IL1R1: variants seen among roughly 807,000 people sequenced by gnomAD.
IL1R1 encodes interleukin 1 receptor type 1.
Under a neutral mutation model 50.2 loss-of-function variants are expected in IL1R1, and 22 were observed. The ratio of observed to expected loss-of-function variants is 0.44; its 90% CI spans 0.31 to 0.63. IL1R1 has a LOEUF of 0.63. Ranked by LOEUF, IL1R1 falls within the 20% of genes least tolerant of loss-of-function variation. IL1R1 has a pLI of 0.07. For synonymous variants in IL1R1, 251 were observed against 236.7 expected, an observed-to-expected ratio of 1.06 and a Z score of -0.55; for missense variants, 509 against 676.2, an observed-to-expected ratio of 0.75 and a Z score of 2.74.
chr2:102,110,719 C>A (rs1013292311), intron 1 of IL1R1, among the ~76,000 whole-genome samples: 1 of 151,840 alleles, frequency 6.6e-6, no homozygotes, highest in African/African-American at 2.4e-5. Flanking sequence ...AAACCATTTG[C>A]GATCACAACG....
intron 1 of IL1R1, among the ~76,000 whole-genome samples, chr2:102,118,316 C>A (rs180941215): frequency 2.0e-5 from 3 of 152,140 alleles, no homozygotes; most frequent in African/African-American, 7.2e-5. Context: ...GGCAAGGAAG[C>A]GCACTTCCCC....
At chr2:102,132,381 C>T (rs535942695) in intron 1 of IL1R1, among the ~76,000 whole-genome samples, 68 of 152,038 alleles carry the variant, frequency 4.5e-4, no homozygotes, top group Admixed American at 7.2e-4. Flanking sequence ...ACAAAAGTCA[C>T]GCAAGGGAAA....
intron 1 of IL1R1, among the ~76,000 whole-genome samples, chr2:102,149,417 C>T (rs543725647): frequency 2.6e-5 from 4 of 152,310 alleles, no homozygotes; most frequent in South Asian, 2.1e-4. Flanking sequence ...CATTTACTGC[C>T]GTCTGTTCTC....
Position 102,145,432 on chromosome 2 carries a change from A to C in IL1R1, c.-84+2412A>C, listed in dbSNP as rs368914016. Among the ~76,000 whole-genome samples the C allele has an allele frequency of 2.1e-3, 320 of 152,244 alleles. 1 individual carries two copies. Among genetic ancestry groups the C allele is most frequent in the Non-Finnish European group, 2.5e-3 (167 of 68,016 alleles). On this transcript the variant is annotated intron_variant, in intron 1 of 11. Transcript: ENST00000410023. Reference sequence around the variant, plus strand: ...CTGGCCCCGAGTTATCTCACCAGGTACTGAAAGGGGCTGGAGCTCTTTAAG... The same window carrying C: ...CTGGCCCCGAGTTATCTCACCAGGTCCTGAAAGGGGCTGGAGCTCTTTAAG...
chr2:102,176,184 C>A, intron 11 of IL1R1, 169 bp from the exon 12 acceptor site: 1 of 608,860 alleles, frequency 1.6e-6, no homozygotes, highest in Admixed American at 3.1e-5. Context: ...AAGAGACTGT[C>A]TCTTAAAATT....
upstream of IL1R1, among the ~76,000 whole-genome samples, chr2:102,100,524 T>C (rs1163711109): frequency 6.6e-6 from 1 of 152,242 alleles, no homozygotes; most frequent in Admixed American, 6.5e-5. Context: ...TGCAGATACT[T>C]ACATGAAATT....
chr2:102,164,686 A>G lies in IL1R1; in HGVS notation c.62-88A>G, dbSNP rs183879404. The G allele has an allele frequency of 1.2e-4, 94 of 790,988 alleles. No individual in the cohort carries two copies. In the African/African-American group the frequency reaches 1.4e-3, roughly 12 times the overall value. The allele number at this position is 790,988 out of a possible 1,614,324, so 49.0% of individuals were successfully genotyped here. On this transcript the variant is annotated intron_variant, in intron 3 of 11. Transcript: ENST00000410023. Reference sequence around the variant, plus strand: ...TATGTAATGTGAATTGATGTATTTAATAATCAATGTGTTTCTTCGTAGATA... The same window carrying G: ...TATGTAATGTGAATTGATGTATTTAGTAATCAATGTGTTTCTTCGTAGATA...
At chr2:102,157,869 A>G in intron 3 of IL1R1, 84 bp downstream of exon 3, 2 of 874,758 alleles carry the variant, frequency 2.3e-6, no homozygotes, top group Non-Finnish European at 3.7e-6. Flanking sequence ...TAACAGAGTC[A>G]TTTCTCATAC....
chr2:102,147,894 G>A (rs1285985808), intron 1 of IL1R1, among the ~76,000 whole-genome samples: 3 of 152,138 alleles, frequency 2.0e-5, no homozygotes, highest in Non-Finnish European at 2.9e-5. Flanking sequence ...CATCCTCAAT[G>A]ATAAAAATAA....
chr2:102,095,593 A>G (rs1472238227), intron 1 of IL1R1, among the ~76,000 whole-genome samples: 1 of 152,190 alleles, frequency 6.6e-6, no homozygotes, highest in African/African-American at 2.4e-5. Flanking sequence ...AGTTTTCTGT[A>G]TACCTCTCTT....
At chr2:102,108,369 T>C (rs557459149) in intron 1 of IL1R1, among the ~76,000 whole-genome samples, 4 of 152,288 alleles carry the variant, frequency 2.6e-5, no homozygotes, top group East Asian at 3.9e-4. Context: ...TGCTTATTTA[T>C]TCCATTCTTG....
intron 1 of IL1R1, among the ~76,000 whole-genome samples, chr2:102,131,670 AAAAC>A (rs1682039468): frequency 1.3e-5 from 2 of 152,096 alleles, no homozygotes; most frequent in African/African-American, 2.4e-5. Context: ...CAGAGGAGGA[AAAAC>A]AAACAAGTAA....
chr2:102,170,176 T>C (rs1310175959), intron 7 of IL1R1, among the ~76,000 whole-genome samples: 1 of 152,262 alleles, frequency 6.6e-6, no homozygotes, highest in Non-Finnish European at 1.5e-5. Flanking sequence ...CATAGGATTA[T>C]CCTGAAGGGT....
intron 1 of IL1R1, among the ~76,000 whole-genome samples, chr2:102,133,199 G>T (rs967911125): frequency 7.4e-6 from 1 of 134,842 alleles, no homozygotes; most frequent in Non-Finnish European, 1.5e-5. Flanking sequence ...AGCCCATATC[G>T]TGCCACTGCA....
At chr2:102,103,599 C>T (rs1000732176), upstream of IL1R1, among the ~76,000 whole-genome samples, 16 of 152,150 alleles carry the variant, frequency 1.1e-4, no homozygotes, top group Non-Finnish European at 2.4e-4. Context: ...GACTCTTCCT[C>T]CCTACGATGC....
intron 1 of IL1R1, among the ~76,000 whole-genome samples, chr2:102,123,988 G>A (rs1383240230): frequency 6.6e-6 from 1 of 151,862 alleles, no homozygotes; most frequent in Non-Finnish European, 1.5e-5. Context: ...AAAGAGAAAG[G>A]GGTTTATCTT....
Position 102,175,544 on chromosome 2 carries a change from C to T in IL1R1, c.1202C>T (p.Ser401Phe). ...AAGACTGTTGGGGAAGGGTCTACCT[C>T]TGACTGTGATATTTTTGTGTTTAAA... The part of the protein sequence containing the change: ...YPKTVGEGST[S>F]DCDIFVFKVL... Residue 401 changes from serine to phenylalanine, a missense_variant, in exon 11 of 12, where the codon TCT becomes TTT. Physicochemically the swap from Ser to Phe is radical, Grantham distance 155. Coordinates refer to ENST00000410023, the MANE Select transcript of IL1R1 (RefSeq NM_000877.4). The T allele has an allele frequency of 1.2e-6, 2 of 1,613,530 alleles. No individual in the cohort carries two copies. Among genetic ancestry groups the T allele is most frequent in the East Asian group, 2.2e-5 (1 of 44,850 alleles).
chr2:102,165,101 T>G lies in IL1R1; in HGVS notation c.297-14T>G, dbSNP rs769070210. On this transcript the variant is annotated splice_polypyrimidine_tract_variant and intron_variant, in intron 4 of 11. Coordinates refer to ENST00000410023, the MANE Select transcript of IL1R1 (RefSeq NM_000877.4). ...TTTAATAATGCTTAACTTACCTATT[T>G]TATTTTATTTTAGAAATTCATCTTA... 6.4e-6 allele frequency: 10 copies of G among 1,555,894 alleles called. No individual in the cohort carries two copies. The South Asian group carries it at 1.2e-4, about 19-fold the overall frequency.
intron 5 of IL1R1, 113 bp downstream of exon 5, chr2:102,165,417 A>G (rs1237344905): frequency 1.2e-5 from 6 of 515,330 alleles, no homozygotes; most frequent in Non-Finnish European, 1.9e-5. Context: ...TTTCTCTTTA[A>G]TGGTGAAACT....
Sources: gnomAD v4.1 joint callset for allele counts (sites outside exome capture counted in the v4.1 genomes callset) on GRCh38, gnomAD v4.1.1 for gene constraint, MANE v1.5 for transcripts, NCBI Gene and HGNC (gene_info 2026-07-23, HGNC 2026-07-21) for gene names.